PLCE1: variants seen among roughly 807,000 people sequenced by gnomAD.
PLCE1 encodes phospholipase C epsilon 1, also known as 1-phosphatidylinositol 4,5-bisphosphate phosphodiesterase epsilon-1.
In PLCE1, 119 loss-of-function variants were observed where a neutral mutation model predicts 242.8. The observed-to-expected ratio is 0.49, with a 90% CI of 0.42 to 0.57. The LOEUF (loss-of-function observed/expected upper bound fraction) is 0.57, where lower values mean the gene tolerates loss of function less well. PLCE1 is among the 20% of genes least tolerant of loss of function. PLCE1 has a pLI of 0.00. For synonymous variants in PLCE1, 945 were observed against 1,017.4 expected, an observed-to-expected ratio of 0.93 and a Z score of 1.35; for missense variants, 2,441 against 2,788.8, an observed-to-expected ratio of 0.88 and a Z score of 2.81.
At chr10:94,030,596 A>G (rs2061539188) in intron 1 of PLCE1, among the ~76,000 whole-genome samples, 87 bp from the exon 2 acceptor site, 2 of 152,104 alleles carry the variant, frequency 1.3e-5, no homozygotes, top group South Asian at 2.1e-4. Flanking sequence ...TTTTTTCTCA[A>G]AATTGTCTGT....
chr10:94,315,753 G>A (rs187051195), intron 28 of PLCE1, among the ~76,000 whole-genome samples: 4 of 129,480 alleles, frequency 3.1e-5, no homozygotes, highest in Non-Finnish European at 6.3e-5. Flanking sequence ...CTGGGCGACA[G>A]AGGGAGACTC....
intron 2 of PLCE1, among the ~76,000 whole-genome samples, chr10:94,084,024 A>C (rs1285091496): frequency 6.6e-6 from 1 of 152,188 alleles, no homozygotes; most frequent in Non-Finnish European, 1.5e-5. Flanking sequence ...CACATAGGGC[A>C]CTTAGCACCA....
intron 2 of PLCE1, chr10:94,096,609 G>A (rs537369477): frequency 6.6e-6 from 1 of 152,250 alleles, no homozygotes; most frequent in East Asian, 1.9e-4. Flanking sequence ...GACATGTGGG[G>A]ATTATAGAAA....
chr10:94,295,135 C>G (rs1159015296), intron 23 of PLCE1, among the ~76,000 whole-genome samples: 1 of 151,842 alleles, frequency 6.6e-6, no homozygotes, highest in Non-Finnish European at 1.5e-5. Flanking sequence ...CCAGGGTGGT[C>G]TCGATCTCCT....
intron 14 of PLCE1, among the ~76,000 whole-genome samples, chr10:94,264,583 G>A (rs573955861): frequency 4.1e-4 from 59 of 143,016 alleles, no homozygotes; most frequent in Middle Eastern, 3.6e-3. Context: ...GGGCAGTGGC[G>A]CGATCTTTGT....
chr10:94,227,666 A>T lies in PLCE1; in HGVS notation c.1955+215A>T, dbSNP rs183515954. ...TGTGGGCCAGTCACAATCCTACTTC[A>T]CTGGGTCTGCTGTGATCCTGTGTTC... On this transcript the variant is annotated intron_variant, in intron 5 of 32. Transcript: ENST00000371380. Among the ~76,000 whole-genome samples the T allele has an allele frequency of 2.0e-5, 3 of 152,258 alleles. No homozygotes were observed. In the East Asian group the frequency reaches 5.8e-4, roughly 29 times the overall value.
rs187002125 is a variant in PLCE1, at chr10:94,265,543, T to G, written c.4054-104T>G. 2.3e-3 allele frequency: 2,276 copies of G among 1,002,978 alleles called. 2 individuals carry two copies. The highest frequency in any genetic ancestry group is 3.0e-3 in the Non-Finnish European group (1,906 of 637,100). 62.1% of individuals were successfully genotyped at this position (1,002,978 alleles called of 1,614,324 possible). On this transcript the variant is annotated intron_variant, in intron 14 of 32. Coordinates refer to ENST00000371380, the MANE Select transcript of PLCE1 (RefSeq NM_016341.4). ...TTAGTTCAAATATTTGGTTTAGATG[T>G]TTCCTGATGAAAACAGAACAGCTTT...
intron 4 of PLCE1, among the ~76,000 whole-genome samples, chr10:94,183,749 G>A (rs1173426911): frequency 3.9e-5 from 6 of 152,092 alleles, no homozygotes; most frequent in East Asian, 1.9e-4. Context: ...GTGAGGCCTC[G>A]GAGCTTTTAC....
chr10:94,232,333 C>T (rs990851788), intron 5 of PLCE1, among the ~76,000 whole-genome samples: 1 of 152,102 alleles, frequency 6.6e-6, no homozygotes, highest in Non-Finnish European at 1.5e-5. Flanking sequence ...TATCTTCTTC[C>T]CTTCCTTACG....
intron 4 of PLCE1, among the ~76,000 whole-genome samples, chr10:94,224,670 T>C (rs1345187037): frequency 6.6e-6 from 1 of 152,218 alleles, no homozygotes; most frequent in African/African-American, 2.4e-5. Context: ...AAGTGTTTGC[T>C]GATGGTTTCC....
At chr10:94,235,170 T>A (rs1445171044) in intron 6 of PLCE1, among the ~76,000 whole-genome samples, 2 of 151,846 alleles carry the variant, frequency 1.3e-5, no homozygotes, top group East Asian at 3.9e-4. Context: ...CTTTGTCACC[T>A]GGGAGCAAAG....
intron 29 of PLCE1, among the ~76,000 whole-genome samples, chr10:94,319,761 G>C (rs2053711515): frequency 6.6e-6 from 1 of 151,956 alleles, no homozygotes. Context: ...AGTAAAAAGG[G>C]ATATAAGTGA....
intron 20 of PLCE1, chr10:94,280,116 G>C (rs2052144772): frequency 6.7e-6 from 4 of 596,538 alleles, no homozygotes; most frequent in South Asian, 5.9e-5. Flanking sequence ...AGAAGAGGCA[G>C]GTGTGGGAAG....
At chr10:94,085,785 T>G (rs2044799849) in intron 2 of PLCE1, among the ~76,000 whole-genome samples, 1 of 152,182 alleles carries the variant, frequency 6.6e-6, no homozygotes, top group Non-Finnish European at 1.5e-5. Context: ...GAAACTGTAG[T>G]AGCCTGTCAC....
intron 3 of PLCE1, among the ~76,000 whole-genome samples, chr10:94,169,620 G>C (rs6583929): frequency 0.083 from 12,618 of 152,254 alleles, 991 homozygotes; most frequent in African/African-American, 0.21. Flanking sequence ...AGCAAACGCA[G>C]GTTTGGGAAT....
At chr10:94,158,259 C>T (rs968415680) in intron 3 of PLCE1, among the ~76,000 whole-genome samples, 7 of 152,100 alleles carry the variant, frequency 4.6e-5, no homozygotes, top group Admixed American at 1.3e-4. Context: ...CAGGACTATG[C>T]TGCTGGGTAA....
intron 2 of PLCE1, among the ~76,000 whole-genome samples, chr10:94,052,495 T>C (rs2043792707): frequency 6.6e-6 from 1 of 152,238 alleles, no homozygotes; most frequent in Non-Finnish European, 1.5e-5. Context: ...TATTGGTAAT[T>C]TCTTTTGCAG....
At chr10:94,262,873 G>GT (rs930079960) in intron 14 of PLCE1, 141 bp downstream of exon 14, 28 of 678,632 alleles carry the variant, frequency 4.1e-5, no homozygotes, top group Middle Eastern at 3.3e-4. Flanking sequence ...TTTTTTTTTT[G>GT]TTTTTTTGGG....
At chr10:94,240,863 C>A (rs1397639590) in intron 7 of PLCE1, among the ~76,000 whole-genome samples, 2 of 152,146 alleles carry the variant, frequency 1.3e-5, no homozygotes, top group Non-Finnish European at 2.9e-5. Flanking sequence ...AAGATAGTTT[C>A]TTTGCTGGTA....
Sources: gnomAD v4.1 joint callset for allele counts (sites outside exome capture counted in the v4.1 genomes callset) on GRCh38, gnomAD v4.1.1 for gene constraint, MANE v1.5 for transcripts, NCBI Gene and HGNC (gene_info 2026-07-23, HGNC 2026-07-21) for gene names.